DOCK2: variants seen among roughly 807,000 people sequenced by gnomAD.
DOCK2 encodes dedicator of cytokinesis protein 2.
A neutral mutation model predicts 248.9 loss-of-function variants in DOCK2; 87 were observed. The ratio of observed to expected loss-of-function variants is 0.35; its 90% CI spans 0.29 to 0.42. DOCK2 has a LOEUF of 0.42. DOCK2 is among the 10% of genes least tolerant of loss of function. DOCK2 has a pLI of 1.00. For missense variants in DOCK2, 1,747 were observed against 2,300.2 expected (o/e 0.76, Z 4.92); for synonymous variants, 805 against 821.6 (o/e 0.98, Z 0.35).
chr5:169,819,762 G>A (rs62384822), intron 26 of DOCK2, among the ~76,000 whole-genome samples: 23,558 of 152,214 alleles, frequency 0.15, 2,184 homozygotes, highest in Admixed American at 0.22. Context: ...GGGACTTGTC[G>A]GACAGTGAGT....
intron 22 of DOCK2, among the ~76,000 whole-genome samples, chr5:169,733,651 T>C (rs1461275106): frequency 6.6e-6 from 1 of 152,146 alleles, no homozygotes. Flanking sequence ...GTAAAATCCC[T>C]GAAATTAAAT....
At chr5:169,702,253 C>A (rs1424850298) in intron 13 of DOCK2, 50 bp from the exon 14 acceptor site, 1 of 1,604,480 alleles carries the variant, frequency 6.2e-7, no homozygotes, top group African/African-American at 1.3e-5. Flanking sequence ...GTCAGCGTCT[C>A]TCCTGCTGTA....
At chr5:169,826,555 C>T (rs1353507858) in intron 26 of DOCK2, among the ~76,000 whole-genome samples, 5 of 152,040 alleles carry the variant, frequency 3.3e-5, no homozygotes, top group Admixed American at 3.3e-4. Context: ...TGTTACCCAT[C>T]ATGATTGTGG....
chr5:169,892,347 G>A lies in DOCK2; in HGVS notation c.2799+51495G>A, dbSNP rs1288099712. On this transcript the variant is annotated intron_variant, in intron 27 of 51. Transcript: ENST00000520908. ...TTGCTGGTGTGTATCCCCTACACCC[G>A]CACAGCTTCTAGCATGGAGCAGGAG... 9.2e-5 allele frequency among the ~76,000 whole-genome samples: 14 copies of A among 152,222 alleles called. 1 individual carries two copies. Among genetic ancestry groups the A allele is most frequent in the Non-Finnish European group, 1.9e-4 (13 of 68,030 alleles).
chr5:170,048,601 G>A (rs1362112102), intron 40 of DOCK2, among the ~76,000 whole-genome samples: 3 of 152,102 alleles, frequency 2.0e-5, no homozygotes, highest in Non-Finnish European at 4.4e-5. Context: ...GCAATCTGTT[G>A]CGATCACACA....
intron 32 of DOCK2, among the ~76,000 whole-genome samples, chr5:170,014,745 A>G (rs749965): frequency 0.66 from 100,119 of 151,288 alleles, 35,086 homozygotes; most frequent in African/African-American, 0.88. Flanking sequence ...AGGAGTGGGC[A>G]GTAGGCAGGT....
intron 29 of DOCK2, among the ~76,000 whole-genome samples, chr5:169,988,420 A>G (rs1299373221): frequency 1.3e-5 from 2 of 152,212 alleles, no homozygotes; most frequent in Non-Finnish European, 2.9e-5. Context: ...GATAAGTAAC[A>G]TACTTCCTGT....
intron 26 of DOCK2, among the ~76,000 whole-genome samples, chr5:169,828,810 C>T (rs1411624417): frequency 6.6e-6 from 1 of 152,186 alleles, no homozygotes; most frequent in Admixed American, 6.5e-5. Context: ...ATCTCCTATT[C>T]GAACTTAAAT....
At chr5:169,993,265 G>A (rs1278262551) in intron 29 of DOCK2, among the ~76,000 whole-genome samples, 3 of 152,150 alleles carry the variant, frequency 2.0e-5, no homozygotes, top group Admixed American at 6.5e-5. Flanking sequence ...GCCTGATGGG[G>A]TGGCAGATTT....
chr5:169,952,686 G>A (rs1357807929), intron 27 of DOCK2, among the ~76,000 whole-genome samples: 1 of 152,128 alleles, frequency 6.6e-6, no homozygotes, highest in East Asian at 1.9e-4. Flanking sequence ...TAATCCCGTG[G>A]ATATCATGCT....
At chr5:169,988,257 A>G (rs962018040) in intron 29 of DOCK2, among the ~76,000 whole-genome samples, 3 of 152,176 alleles carry the variant, frequency 2.0e-5, no homozygotes, top group African/African-American at 7.2e-5. Context: ...TGCATTTTGT[A>G]TATTATAATA....
At chr5:170,050,680 A>G (rs928948381) in intron 41 of DOCK2, among the ~76,000 whole-genome samples, 3 of 152,168 alleles carry the variant, frequency 2.0e-5, no homozygotes, top group Non-Finnish European at 4.4e-5. Flanking sequence ...TCAACTGTAT[A>G]AGGAAAGACG....
chr5:169,967,086 A>G (rs1777329378), intron 27 of DOCK2, among the ~76,000 whole-genome samples: 1 of 152,198 alleles, frequency 6.6e-6, no homozygotes, highest in African/African-American at 2.4e-5. Context: ...GGATAAAGAG[A>G]TAAGGAGAAA....
chr5:169,905,115 T>C (rs1291263730), intron 27 of DOCK2, among the ~76,000 whole-genome samples: 2 of 152,154 alleles, frequency 1.3e-5, no homozygotes, highest in African/African-American at 4.8e-5. Flanking sequence ...CTGGCATGTA[T>C]TTTCTACAGT....
chr5:169,958,470 A>G (rs1232429234), intron 27 of DOCK2, among the ~76,000 whole-genome samples: 4 of 152,074 alleles, frequency 2.6e-5, no homozygotes, highest in African/African-American at 9.7e-5. Flanking sequence ...TGGTGTGCAT[A>G]TTTAAATTAC....
chr5:169,651,448 C>T (rs1757799786), intron 1 of DOCK2, among the ~76,000 whole-genome samples: 1 of 152,186 alleles, frequency 6.6e-6, no homozygotes, highest in Admixed American at 6.5e-5. Flanking sequence ...AGGGAAGATT[C>T]CCGAGGAAAG....
intron 27 of DOCK2, among the ~76,000 whole-genome samples, chr5:169,970,104 A>G (rs1020058608): frequency 2.0e-5 from 3 of 152,202 alleles, no homozygotes; most frequent in African/African-American, 4.8e-5. Flanking sequence ...GGCCCCTTAA[A>G]GGCATGTTCA....
At chr5:169,641,020 G>T (rs1311148177) in intron 1 of DOCK2, among the ~76,000 whole-genome samples, 1 of 152,206 alleles carries the variant, frequency 6.6e-6, no homozygotes, top group Non-Finnish European at 1.5e-5. Flanking sequence ...CCAGTGGTTT[G>T]CTGGCAATCC....
At chr5:169,991,083 A>T (rs1426000016) in intron 29 of DOCK2, among the ~76,000 whole-genome samples, 1 of 152,346 alleles carries the variant, frequency 6.6e-6, no homozygotes. Context: ...ACAGAGGTCA[A>T]CCACCCAGCC....
Sources: gnomAD v4.1 joint callset for allele counts (sites outside exome capture counted in the v4.1 genomes callset) on GRCh38, gnomAD v4.1.1 for gene constraint, MANE v1.5 for transcripts, NCBI Gene and HGNC (gene_info 2026-07-23, HGNC 2026-07-21) for gene names.